The following CDHR2 variants were observed in gnomAD, a reference collection of about 807,000 sequenced individuals.
The protein encoded by CDHR2 is cadherin related family member 2.
In CDHR2, 104 loss-of-function variants were observed where a neutral mutation model predicts 138.6. The observed-to-expected ratio is 0.75, with a 90% CI of 0.64 to 0.88. The LOEUF is 0.88. Ranked by LOEUF, CDHR2 falls within the 40% of genes least tolerant of loss-of-function variation. The pLI is 0.00. For synonymous variants in CDHR2, 755 were observed against 742.8 expected (o/e 1.02, Z -0.27); for missense variants, 1,624 against 1,727.6 (o/e 0.94, Z 1.06).
chr5:176,590,179 G>A (rs777526513), intron 25 of CDHR2, 33 bp downstream of exon 25: 59 of 1,612,270 alleles, frequency 3.7e-5, no homozygotes, highest in Non-Finnish European at 4.2e-5. Context: ...GTGGGGTTGA[G>A]GGGGAGAAGC....
At chr5:176,569,128 A>G (rs1758160140) in intron 5 of CDHR2, 118 bp downstream of exon 5, 3 of 833,848 alleles carry the variant, frequency 3.6e-6, no homozygotes, top group Non-Finnish European at 5.7e-6. Context: ...GTTTATTTAT[A>G]TCGAGATTAT....
chr5:176,567,252 C>T (rs1278251685), intron 3 of CDHR2: 10 of 238,730 alleles, frequency 4.2e-5, no homozygotes, highest in Non-Finnish European at 6.7e-5. Context: ...ACTTCAGCCT[C>T]GACCTCCTGG....
intron 3 of CDHR2, among the ~76,000 whole-genome samples, chr5:176,566,285 A>G (rs575957396): frequency 4.1e-4 from 63 of 152,358 alleles, no homozygotes; most frequent in African/African-American, 1.5e-3. Context: ...TTAAGGAATG[A>G]GCACCAGGAA....
At chr5:176,587,331 C>T (rs1489858184) in intron 21 of CDHR2, among the ~76,000 whole-genome samples, 2 of 152,066 alleles carry the variant, frequency 1.3e-5, no homozygotes, top group Non-Finnish European at 2.9e-5. Context: ...GCCTGTAATC[C>T]CAGCTACTTG....
chr5:176,573,575 G>A (rs933797635), intron 6 of CDHR2, among the ~76,000 whole-genome samples: 2 of 151,936 alleles, frequency 1.3e-5, no homozygotes. Flanking sequence ...TAAACCCAGG[G>A]GGCAGAGGTT....
At position 176,584,960 on chromosome 5, in the gene CDHR2, T is replaced by C. The variant is rs370889567; in HGVS notation, c.2679T>C (p.Val893=). The part of the protein sequence containing the change: ...DYEACDLVTL[V]VRACDLATDP... ...AGGCCTGTGACCTGGTCACGCTGGT[T>C]GTGCGGGCCTGTGACCTAGCCACGG... Residue 893 remains valine, a synonymous_variant, in exon 19 of 32, where the codon GTT becomes GTC. Coordinates refer to ENST00000261944, the MANE Select transcript of CDHR2 (RefSeq NM_017675.6). The C allele has an allele frequency of 1.2e-5, 19 of 1,566,074 alleles. No homozygotes were observed. In the East Asian group the frequency reaches 2.4e-4, roughly 20 times the overall value.
At chr5:176,574,276 C>T (rs1758306967) in intron 7 of CDHR2, 104 bp downstream of exon 7, 1 of 867,764 alleles carries the variant, frequency 1.2e-6, no homozygotes, top group Non-Finnish European at 1.9e-6. Context: ...ATTGGTCCTG[C>T]CTTGGCCCAG....
chr5:176,544,782 G>A (rs1328718830), upstream of CDHR2, among the ~76,000 whole-genome samples: 3 of 152,158 alleles, frequency 2.0e-5, no homozygotes, highest in Non-Finnish European at 4.4e-5. Context: ...GTGACATCAC[G>A]GGGATATTCT....
At chr5:176,565,182 G>C (rs1758051447) in intron 1 of CDHR2, 156 bp from the exon 2 acceptor site, 1 of 628,630 alleles carries the variant, frequency 1.6e-6, no homozygotes, top group Admixed American at 2.6e-5. Context: ...CCTGACCCTA[G>C]AGCATCTGGA....
At chr5:176,563,717 C>T (rs1000577895) in intron 1 of CDHR2, among the ~76,000 whole-genome samples, 2 of 152,192 alleles carry the variant, frequency 1.3e-5, no homozygotes, top group African/African-American at 2.4e-5. Flanking sequence ...GACCTCCCAT[C>T]CCGCCATGGC....
At chr5:176,548,644 G>A (rs1163370755), upstream of CDHR2, among the ~76,000 whole-genome samples, 1 of 152,196 alleles carries the variant, frequency 6.6e-6, no homozygotes, top group Non-Finnish European at 1.5e-5. Context: ...TCGAGAGGCT[G>A]AGGTAGGAGA....
At chr5:176,592,133 TG>T (rs974023142) in intron 30 of CDHR2, among the ~76,000 whole-genome samples, 1 of 132,206 alleles carries the variant, frequency 7.6e-6, no homozygotes, top group Non-Finnish European at 1.7e-5. Context: ...ATGGTGATGG[TG>T]GTGATGATGG....
Position 176,591,438 on chromosome 5 carries a change from C to T in CDHR2, c.3688C>T (p.Leu1230=), listed in dbSNP as rs765368201. 1.2e-6 allele frequency: 2 copies of T among 1,613,928 alleles called. No homozygotes were observed. The highest frequency in any genetic ancestry group is 8.5e-7 in the Non-Finnish European group (1 of 1,180,034). ...CATGCTGAACCTCCCCAACAAAGAC[C>T]TGGGCTTGGAGTACCTCTCTCCCTC... The part of the protein sequence containing the change: ...NPMLNLPNKD[L]GLEYLSPSND... Residue 1230 remains leucine, a synonymous_variant, in exon 30 of 32, where the codon CTG becomes TTG. Coordinates refer to ENST00000261944, the MANE Select transcript of CDHR2 (RefSeq NM_017675.6).
chr5:176,576,929 C>T lies in CDHR2; in HGVS notation c.1195-470C>T, dbSNP rs1376829040. On this transcript the variant is annotated intron_variant, in intron 12 of 31. Coordinates refer to ENST00000261944, the MANE Select transcript of CDHR2 (RefSeq NM_017675.6). This position sits in a 1 kb window ranked among gnomAD's most constrained non-coding sequence, Gnocchi z 4.5. ...CAGTGAGAGGTGGGTAACACGGTGGCGCTGGAGGATGAGTAACTCTGGAGG... is the reference window on the plus strand; with the variant it reads ...CAGTGAGAGGTGGGTAACACGGTGGTGCTGGAGGATGAGTAACTCTGGAGG... Among the ~76,000 whole-genome samples, 3 of 151,926 alleles carry T rather than the reference C, an allele frequency of 2.0e-5. No individual in the cohort carries two copies. The highest frequency in any genetic ancestry group is 2.9e-5 in the Non-Finnish European group (2 of 68,010).
rs1758387145 is a variant in CDHR2 at position 176,576,551 on chromosome 5, G to C, written c.1194+366G>C. Among the ~76,000 whole-genome samples, 2 of 151,244 alleles carry C rather than the reference G, an allele frequency of 1.3e-5. No homozygotes were observed. The highest frequency in any genetic ancestry group is 4.2e-4 in the South Asian group (2 of 4,770). On this transcript the variant is annotated intron_variant, in intron 12 of 31. Transcript: ENST00000261944. The surrounding 1 kb of genome is among the most constrained non-coding windows in gnomAD (Gnocchi z 4.5). ...AGGCTGAGCAGTGTTGGGACAAGTGGTCTGAGGGTGTGAGGTGGGAGGGTG... is the reference window on the plus strand; with the variant it reads ...AGGCTGAGCAGTGTTGGGACAAGTGCTCTGAGGGTGTGAGGTGGGAGGGTG...
rs1353018851 is a variant in CDHR2, at chr5:176,568,579, A to C, written c.125-99A>C. ...CAGATGGCAAGTCAAGCCTGTGTAC[A>C]GGGCAGCCAGGCGCCCAGCCCAGCC... On this transcript the variant is annotated intron_variant, in intron 3 of 31. Transcript: ENST00000261944. 6.6e-6 allele frequency: 9 copies of C among 1,368,212 alleles called. No individual in the cohort carries two copies. In the South Asian group the frequency reaches 8.1e-5, roughly 12 times the overall value. 84.8% of individuals were successfully genotyped at this position (1,368,212 alleles called of 1,614,324 possible).
intron 4 of CDHR2, 38 bp downstream of exon 4, chr5:176,568,855 G>A (rs201569685): frequency 1.2e-6 from 2 of 1,612,372 alleles, no homozygotes; most frequent in Non-Finnish European, 1.7e-6. Flanking sequence ...GGGACGCGGA[G>A]GGGGTGCTGG....
intron 1 of CDHR2, among the ~76,000 whole-genome samples, chr5:176,551,405 G>A (rs542776537): frequency 1.3e-5 from 2 of 152,170 alleles, no homozygotes; most frequent in South Asian, 2.1e-4. Context: ...TTTGAGAGCA[G>A]GGAAACAACA....
In CDHR2 at chr5:176,574,458, A is replaced by G. The variant is rs552079389; in HGVS notation, c.495+286A>G. ...TAAGGGGTGTGTAAACCCATTTCTC[A>G]TGGAAACAGACTTGCTGTTGATAGC... On this transcript the variant is annotated intron_variant, in intron 7 of 31. Transcript: ENST00000261944. Among the ~76,000 whole-genome samples the G allele has an allele frequency of 1.8e-3, 269 of 152,288 alleles. 1 individual carries two copies. Among genetic ancestry groups the G allele is most frequent in the African/African-American group, 6.1e-3 (254 of 41,560 alleles).
Sources: gnomAD v4.1 joint callset for allele counts (sites outside exome capture counted in the v4.1 genomes callset) on GRCh38, gnomAD v4.1.1 for gene constraint, Gnocchi (gnomAD v3.1) non-coding constraint, MANE v1.5 for transcripts, NCBI Gene and HGNC (gene_info 2026-07-23, HGNC 2026-07-21) for gene names.